DLGAP2: variants seen among roughly 807,000 people sequenced by gnomAD.
DLGAP2 encodes disks large-associated protein 2.
Under a neutral mutation model 100.3 loss-of-function variants are expected in DLGAP2, and 26 were observed. That is an observed-to-expected ratio of 0.26 (90% CI 0.19 to 0.36). DLGAP2 has a LOEUF of 0.36. Among genes scored for constraint, DLGAP2 ranks in the 10% least tolerant of loss-of-function variants. The probability of loss-of-function intolerance (pLI) is 1.00; values close to 1 mark genes in which losing one functional copy is unlikely to be tolerated. For missense variants in DLGAP2, 1,858 were observed against 1,453.2 expected (o/e 1.28, Z -4.53); for synonymous variants, 886 against 630.1 (o/e 1.41, Z -6.08).
chr8:1,513,503 T>C (rs916749927), intron 4 of DLGAP2, among the ~76,000 whole-genome samples: 1 of 152,188 alleles, frequency 6.6e-6, no homozygotes, highest in Non-Finnish European at 1.5e-5. Context: ...AGAGGGGCCG[T>C]CACCCCCATC....
chr8:932,706 C>T (rs191689467), intron 2 of DLGAP2, among the ~76,000 whole-genome samples: 12 of 151,996 alleles, frequency 7.9e-5, no homozygotes, highest in Non-Finnish European at 1.3e-4. Flanking sequence ...GAGAAAGAAT[C>T]GTGAACATAA....
intron 1 of DLGAP2, among the ~76,000 whole-genome samples, chr8:788,552 T>C (rs1332298808): frequency 1.3e-5 from 2 of 152,222 alleles, no homozygotes; most frequent in Non-Finnish European, 2.9e-5. Flanking sequence ...GATAAGATAG[T>C]AGCCATTTAC....
chr8:949,457 G>A (rs532825750), intron 2 of DLGAP2, among the ~76,000 whole-genome samples: 7 of 152,206 alleles, frequency 4.6e-5, no homozygotes, highest in African/African-American at 1.7e-4. Context: ...GGGTCTGCAA[G>A]AGGAGCCCTG....
chr8:1,679,235 G>A (rs887151315), intron 12 of DLGAP2, among the ~76,000 whole-genome samples: 3 of 125,910 alleles, frequency 2.4e-5, no homozygotes, highest in South Asian at 3.2e-4. Context: ...GGGTGGAATG[G>A]GAAGGCCGTG....
At chr8:846,036 G>A (rs920235118) in intron 1 of DLGAP2, among the ~76,000 whole-genome samples, 3 of 152,196 alleles carry the variant, frequency 2.0e-5, no homozygotes, top group Non-Finnish European at 4.4e-5. Context: ...CACACTTACG[G>A]AGTACAATGT....
At chr8:830,963 T>C (rs1796771134) in intron 1 of DLGAP2, among the ~76,000 whole-genome samples, 1 of 149,194 alleles carries the variant, frequency 6.7e-6, no homozygotes, top group Non-Finnish European at 1.5e-5. Flanking sequence ...TGGCACAATC[T>C]CAGCTCACTG....
chr8:1,025,026 C>T (rs1025562672), intron 2 of DLGAP2, among the ~76,000 whole-genome samples: 1 of 151,874 alleles, frequency 6.6e-6, no homozygotes, highest in Admixed American at 6.5e-5. Flanking sequence ...TGTCTCTGCT[C>T]CCCCCTCTCC....
At chr8:1,438,104 C>T (rs950841870) in intron 3 of DLGAP2, among the ~76,000 whole-genome samples, 1 of 152,142 alleles carries the variant, frequency 6.6e-6, no homozygotes, top group African/African-American at 2.4e-5. Flanking sequence ...CCTGCTGGTC[C>T]CCAGAAGTCA....
chr8:951,629 A>G (rs141131051), intron 2 of DLGAP2, among the ~76,000 whole-genome samples: 4 of 152,286 alleles, frequency 2.6e-5, no homozygotes, highest in African/African-American at 4.8e-5. Context: ...TTCCTAGTTC[A>G]TGCTCACTAT....
chr8:1,578,747 G>T (rs1466888745), intron 6 of DLGAP2, among the ~76,000 whole-genome samples: 1 of 152,142 alleles, frequency 6.6e-6, no homozygotes, highest in African/African-American at 2.4e-5. Context: ...CATAGTGCAA[G>T]ATAATAGAAG....
chr8:1,289,931 G>C (rs1375315578), intron 3 of DLGAP2, among the ~76,000 whole-genome samples: 1 of 152,174 alleles, frequency 6.6e-6, no homozygotes, highest in Admixed American at 6.5e-5. Context: ...ACCATCTATT[G>C]ATACTCAAGA....
chr8:1,520,513 T>G, intron 4 of DLGAP2, among the ~76,000 whole-genome samples: 1 of 152,170 alleles, frequency 6.6e-6, no homozygotes, highest in Non-Finnish European at 1.5e-5. Flanking sequence ...GAGTGTTTAA[T>G]GGTGTGGACT....
chr8:1,182,869 C>G lies in DLGAP2; in HGVS notation c.74-75982C>G, dbSNP rs575899253. Among the ~76,000 whole-genome samples the G allele has an allele frequency of 1.3e-3, 204 of 152,282 alleles. 2 individuals are homozygous for G. The highest frequency in any genetic ancestry group is 3.7e-3 in the African/African-American group (155 of 41,566). ...CCGCAGCCTGTGGGATCGGCAGCAT[C>G]CAGTGAGGTGGAGCGGGGCTCAGGG... On this transcript the variant is annotated intron_variant, in intron 2 of 14. Transcript: ENST00000637795.
chr8:1,520,578 C>T (rs1444682139), intron 4 of DLGAP2, among the ~76,000 whole-genome samples: 4 of 152,066 alleles, frequency 2.6e-5, no homozygotes, highest in African/African-American at 9.7e-5. Context: ...CCTGCGTGCT[C>T]CCCCTATTCA....
intron 1 of DLGAP2, among the ~76,000 whole-genome samples, chr8:795,482 C>T (rs1198924950): frequency 2.0e-5 from 3 of 152,212 alleles, no homozygotes; most frequent in African/African-American, 7.2e-5. Context: ...CATGAAAATG[C>T]ACCAAATCTG....
intron 1 of DLGAP2, among the ~76,000 whole-genome samples, chr8:847,810 TTGAC>T (rs775080799): frequency 6.6e-5 from 10 of 152,194 alleles, no homozygotes; most frequent in Admixed American, 4.6e-4. Flanking sequence ...CGCCTGGCCT[TTGAC>T]TGTGGACTTT....
At chr8:968,706 C>T (rs1449852690) in intron 2 of DLGAP2, among the ~76,000 whole-genome samples, 1 of 152,160 alleles carries the variant, frequency 6.6e-6, no homozygotes, top group Non-Finnish European at 1.5e-5. Context: ...CTTATACATG[C>T]ACTGGGCAGC....
intron 2 of DLGAP2, among the ~76,000 whole-genome samples, chr8:1,141,406 C>A (rs1157261240): frequency 6.6e-6 from 1 of 152,108 alleles, no homozygotes; most frequent in Non-Finnish European, 1.5e-5. Flanking sequence ...TTATTTTATG[C>A]TTAAAAACTC....
chr8:1,315,396 C>G lies in DLGAP2; in HGVS notation c.106+56513C>G, dbSNP rs543422028. Among the ~76,000 whole-genome samples, 72 of 142,770 alleles carry G rather than the reference C, an allele frequency of 5.0e-4. 3 individuals carry two copies. The East Asian group carries it at 0.014, about 27-fold the overall frequency. 93.7% of individuals were successfully genotyped at this position (142,770 alleles called of 152,430 possible). A position where few individuals can be genotyped will look rare whatever the true frequency, so the allele number is the denominator to read the frequency against. ...AGCGTCTCTCCAACAGTGGTCTACA[C>G]TCGAGAAACTCGGCAGCTTTTAAAA... On this transcript the variant is annotated intron_variant, in intron 3 of 14. Coordinates refer to ENST00000637795, the MANE Select transcript of DLGAP2 (RefSeq NM_001346810.2).
Sources: allele counts gnomAD v4.1 joint callset (sites outside exome capture counted in the v4.1 genomes callset), GRCh38; gene constraint gnomAD v4.1.1; transcripts MANE v1.5; gene names NCBI Gene and HGNC (gene_info 2026-07-23, HGNC 2026-07-21).